NSD1: variants seen among roughly 807,000 people sequenced by gnomAD.
NSD1 encodes the protein histone-lysine N-methyltransferase, H3 lysine-36 specific.
NSD1 carries 26 observed loss-of-function variants against 242.7 expected under a neutral mutation model. The ratio of observed to expected loss-of-function variants is 0.11; its 90% CI spans 0.08 to 0.15. The LOEUF (loss-of-function observed/expected upper bound fraction) is 0.15, where lower values mean the gene tolerates loss of function less well. Ranked by LOEUF, NSD1 falls within the 10% of genes least tolerant of loss-of-function variation. NSD1 has a pLI of 1.00. For synonymous variants in NSD1, 1,106 were observed against 1,178.1 expected (o/e 0.94, Z 1.25); for missense variants, 2,495 against 3,272.8 (o/e 0.76, Z 5.80).
chr5:177,176,189 C>T (rs1348395723), intron 2 of NSD1, among the ~76,000 whole-genome samples: 4 of 152,158 alleles, frequency 2.6e-5, no homozygotes, highest in South Asian at 4.1e-4. Context: ...TTGCAAAAAT[C>T]GTAACATTTC....
At chr5:177,184,167 C>G (rs1337322798) in intron 2 of NSD1, among the ~76,000 whole-genome samples, 1 of 152,152 alleles carries the variant, frequency 6.6e-6, no homozygotes, top group Non-Finnish European at 1.5e-5. Context: ...ATTGCTGGAT[C>G]AAATGGTAGC....
intron 14 of NSD1, among the ~76,000 whole-genome samples, chr5:177,261,755 T>C (rs1757016649): frequency 6.6e-6 from 1 of 152,232 alleles, no homozygotes; most frequent in South Asian, 2.1e-4. Context: ...CACTATTTTC[T>C]AGTGATGAGA....
At chr5:177,277,679 A>C (rs932280288) in intron 17 of NSD1, among the ~76,000 whole-genome samples, 1 of 152,254 alleles carries the variant, frequency 6.6e-6, no homozygotes, top group Non-Finnish European at 1.5e-5. Context: ...CAGCCTGGGC[A>C]ACATAGCAAA....
At chr5:177,232,197 T>C (rs1024984932) in intron 5 of NSD1, among the ~76,000 whole-genome samples, 3 of 152,314 alleles carry the variant, frequency 2.0e-5, no homozygotes, top group African/African-American at 7.2e-5. Context: ...TTTAGATGTA[T>C]AGTTCTCTGT....
At chr5:177,181,144 C>G (rs1482603422) in intron 2 of NSD1, among the ~76,000 whole-genome samples, 1 of 151,778 alleles carries the variant, frequency 6.6e-6, no homozygotes, top group Non-Finnish European at 1.5e-5. Flanking sequence ...GTTCTCCTGC[C>G]TCAGCCTCCC....
In NSD1 at chr5:177,273,742, C is replaced by G; in HGVS notation, c.5580C>G (p.Asp1860Glu). ...AAGAGCTAAGACAGCTGCAGGAAGA[C>G]CGAAAGAATGACAAGAAGCCACCAC... ...AQKELRQLQEDRKNDKKPPPY... is the reference protein window; with the variant it reads ...AQKELRQLQEERKNDKKPPPY... The change falls in exon 17 of 23, where the codon GAC (aspartate) becomes GAG (glutamate). Residue 1860 changes from aspartate (D) to glutamate (E), a missense_variant. This residue lies in a region of NSD1 where 114 missense variants were observed against 247.4 expected (regional missense o/e 0.46). Transcript: ENST00000439151. 1.2e-6 allele frequency: 2 copies of G among 1,613,664 alleles called. No individual in the cohort carries two copies. Among genetic ancestry groups the G allele is most frequent in the Non-Finnish European group, 1.7e-6 (2 of 1,179,778 alleles).
chr5:177,174,862 C>T (rs1305270753), intron 2 of NSD1, among the ~76,000 whole-genome samples: 4 of 131,616 alleles, frequency 3.0e-5, no homozygotes, highest in African/African-American at 1.2e-4. Flanking sequence ...CGTGCCTGGC[C>T]TTATCTGACT....
intron 5 of NSD1, chr5:177,220,995 C>T (rs547979096): frequency 1.5e-5 from 7 of 454,400 alleles, no homozygotes; most frequent in South Asian, 1.1e-4. Flanking sequence ...TCCTGAGTAG[C>T]TGGGGCTACA....
chr5:177,228,163 A>G (rs1764780966), intron 5 of NSD1, among the ~76,000 whole-genome samples: 1 of 152,096 alleles, frequency 6.6e-6, no homozygotes, highest in South Asian at 2.1e-4. Context: ...AGGTGAGTAT[A>G]GTGCAATGCA....
intron 2 of NSD1, among the ~76,000 whole-genome samples, chr5:177,181,509 T>A (rs79415127): frequency 3.1e-5 from 4 of 128,860 alleles, no homozygotes; most frequent in African/African-American, 1.2e-4. Flanking sequence ...CACTGCAACC[T>A]CCAACTCGCG....
intron 5 of NSD1, among the ~76,000 whole-genome samples, chr5:177,222,254 A>G (rs1409829439): frequency 6.6e-6 from 1 of 152,076 alleles, no homozygotes; most frequent in African/African-American, 2.4e-5. Context: ...TCAGCCTCCC[A>G]AGTAGCTTGG....
intron 2 of NSD1, among the ~76,000 whole-genome samples, chr5:177,138,886 G>A (rs1004235725): frequency 6.8e-6 from 1 of 147,802 alleles, no homozygotes; most frequent in Non-Finnish European, 1.5e-5. Context: ...TGATCCACCC[G>A]CCTCAGCCTC....
intron 2 of NSD1, among the ~76,000 whole-genome samples, chr5:177,153,841 A>G (rs1468762363): frequency 1.3e-5 from 2 of 152,116 alleles, no homozygotes; most frequent in Non-Finnish European, 2.9e-5. Context: ...TTTTACGACA[A>G]TTTTTTGAGA....
At chr5:177,248,893 C>G (rs1003490125) in intron 11 of NSD1, among the ~76,000 whole-genome samples, 11 of 152,096 alleles carry the variant, frequency 7.2e-5, no homozygotes, top group African/African-American at 2.7e-4. Flanking sequence ...AACTAAATTA[C>G]AGAGAGGATA....
Position 177,298,382 on chromosome 5 carries a change from G to A in NSD1, c.*2923G>A. ...CAAAAGTTGAAATTCTCCATGGGTAGCTAGAAAGCCAATACATCTAGCCCT... is the reference window on the plus strand; with the variant it reads ...CAAAAGTTGAAATTCTCCATGGGTAACTAGAAAGCCAATACATCTAGCCCT... On this transcript the variant is annotated 3_prime_UTR_variant, in exon 23 of 23. Transcript: ENST00000439151. The A allele has an allele frequency of 4.3e-6, 1 of 233,252 alleles. No individual in the cohort carries two copies. Among genetic ancestry groups the A allele is most frequent in the Middle Eastern group, 1.3e-3 (1 of 786 alleles). 14.4% of individuals were successfully genotyped at this position (233,252 alleles called of 1,614,324 possible). A position where few individuals can be genotyped will look rare whatever the true frequency, so the allele number is the denominator to read the frequency against.
intron 2 of NSD1, among the ~76,000 whole-genome samples, chr5:177,188,054 C>T (rs1761373866): frequency 6.6e-6 from 1 of 152,190 alleles, no homozygotes; most frequent in Non-Finnish European, 1.5e-5. Context: ...CACTTCTTTA[C>T]TTACATTTTC....
At chr5:177,271,896 C>T (rs1346807981) in intron 16 of NSD1, among the ~76,000 whole-genome samples, 1 of 151,984 alleles carries the variant, frequency 6.6e-6, no homozygotes, top group African/African-American at 2.4e-5. Flanking sequence ...GCCTGTAATC[C>T]CAGCACTATG....
chr5:177,168,374 A>G (rs538363085), intron 2 of NSD1, among the ~76,000 whole-genome samples: 1 of 150,566 alleles, frequency 6.6e-6, no homozygotes, highest in Admixed American at 6.6e-5. Context: ...TTTGAGAAGC[A>G]TCTATCTGTG....
At chr5:177,285,740 T>C (rs756886610) in intron 20 of NSD1, among the ~76,000 whole-genome samples, 6 of 152,208 alleles carry the variant, frequency 3.9e-5, no homozygotes, top group Admixed American at 1.3e-4. Context: ...TACAGTAATA[T>C]AGTCTAATTA....
Sources: allele counts gnomAD v4.1 joint callset (sites outside exome capture counted in the v4.1 genomes callset), GRCh38; gene constraint gnomAD v4.1.1; regional missense constraint gnomAD v4.1.1; transcripts MANE v1.5; gene names NCBI Gene and HGNC (gene_info 2026-07-23, HGNC 2026-07-21).